Variants in CIMIP4 observed in about 807,000 individuals in gnomAD.
The protein encoded by CIMIP4 is protein EAN57.
At chr22:36,995,177 T>A in the CIMIP4 span, among the ~76,000 whole-genome samples, 2 of 152,080 alleles carry the variant, frequency 1.3e-5, no homozygotes, top group African/African-American at 4.8e-5. Context: ...AGAAAATCCT[T>A]GGTAAGCTGG....
chr22:37,004,669 G>A, the CIMIP4 span, among the ~76,000 whole-genome samples: 5 of 150,098 alleles, frequency 3.3e-5, no homozygotes, highest in African/African-American at 4.9e-5. Flanking sequence ...TCGTGCTTGT[G>A]TTTTGTTTTC....
At chr22:36,995,509 A>T in the CIMIP4 span, among the ~76,000 whole-genome samples, 1 of 152,078 alleles carries the variant, frequency 6.6e-6, no homozygotes, top group African/African-American at 2.4e-5. Flanking sequence ...GCCATCCCAC[A>T]TGGTTCCCCC....
chr22:36,991,284 G>A, the CIMIP4 span: 22 of 1,613,868 alleles, frequency 1.4e-5, no homozygotes, highest in South Asian at 5.5e-5. Flanking sequence ...GCCCTACAGC[G>A]AGCAGGAGAA....
the CIMIP4 span, among the ~76,000 whole-genome samples, chr22:36,998,336 G>C: frequency 6.6e-6 from 1 of 152,108 alleles, no homozygotes; most frequent in South Asian, 2.1e-4. Flanking sequence ...CTCCAGAAAG[G>C]CTTCCAGTGG....
At chr22:36,992,283 G>A in the CIMIP4 span, among the ~76,000 whole-genome samples, 1 of 152,144 alleles carries the variant, frequency 6.6e-6, no homozygotes, top group Non-Finnish European at 1.5e-5. Context: ...GGAGGCGGAG[G>A]TTGCAGTGAG....
At chr22:37,001,846 G>A in the CIMIP4 span, 88 of 1,586,524 alleles carry the variant, frequency 5.5e-5, no homozygotes, top group East Asian at 2.0e-4. Flanking sequence ...CCTGCTCCTC[G>A]GAGACCAGCT....
the CIMIP4 span, chr22:37,004,071 G>T: frequency 6.7e-7 from 1 of 1,497,692 alleles, no homozygotes; most frequent in Non-Finnish European, 9.0e-7. Context: ...AACACACAGA[G>T]TTTCTGTGAA....
the CIMIP4 span, among the ~76,000 whole-genome samples, chr22:37,006,331 G>C: frequency 2.6e-5 from 4 of 152,302 alleles, no homozygotes; most frequent in East Asian, 7.7e-4. Context: ...ATTATCCCCA[G>C]GCCTTGAAAC....
At chr22:37,005,688 G>A in the CIMIP4 span, among the ~76,000 whole-genome samples, 8,068 of 152,234 alleles carry the variant, frequency 0.053, 245 homozygotes, top group African/African-American at 0.071. Context: ...CAGTGACACT[G>A]TCATCTGCAG....
chr22:36,998,049 T>C, the CIMIP4 span, among the ~76,000 whole-genome samples: 1 of 152,226 alleles, frequency 6.6e-6, no homozygotes, highest in African/African-American at 2.4e-5. Context: ...CAATTGCCTC[T>C]TGTGAGCTGG....
At chr22:36,991,370 G>C in the CIMIP4 span, 1 of 1,551,534 alleles carries the variant, frequency 6.4e-7, no homozygotes, top group Non-Finnish European at 8.9e-7. Flanking sequence ...CCTCTTCCAA[G>C]TCCACCCCGG....
chr22:36,991,641 G>C, the CIMIP4 span: 8 of 1,442,600 alleles, frequency 5.5e-6, no homozygotes, highest in Non-Finnish European at 6.8e-6. Context: ...GTGGCAGTCG[G>C]GTACTCCATG....
the CIMIP4 span, chr22:36,999,894 C>T: frequency 2.0e-5 from 33 of 1,613,982 alleles, no homozygotes; most frequent in African/African-American, 1.9e-4. Flanking sequence ...TCTGAGAAGA[C>T]GGAGGAGATT....
At chr22:37,004,872 G>C in the CIMIP4 span, among the ~76,000 whole-genome samples, 1 of 152,170 alleles carries the variant, frequency 6.6e-6, no homozygotes, top group Admixed American at 6.5e-5. Flanking sequence ...ATTTTTAGTA[G>C]AGACAGGGTT....
the CIMIP4 span, chr22:37,002,376 G>A: frequency 2.1e-6 from 1 of 475,546 alleles, no homozygotes. Context: ...AGAGGGTGGG[G>A]AGGGGGCAGA....
At chr22:36,993,610 T>C in the CIMIP4 span, among the ~76,000 whole-genome samples, 1 of 150,800 alleles carries the variant, frequency 6.6e-6, no homozygotes, top group African/African-American at 2.4e-5. Flanking sequence ...GCGCCTGTAG[T>C]CTCAGCTACT....
chr22:37,002,231 G>C, the CIMIP4 span: 1 of 1,457,450 alleles, frequency 6.9e-7, no homozygotes, highest in Non-Finnish European at 9.1e-7. Context: ...GGAACTGTAG[G>C]CCGCTTTCCA....
the CIMIP4 span, among the ~76,000 whole-genome samples, chr22:37,006,232 A>G: frequency 6.6e-6 from 1 of 152,242 alleles, no homozygotes; most frequent in African/African-American, 2.4e-5. Context: ...CAAAATGAAA[A>G]GATACCATTG....
At chr22:36,993,026 T>C in the CIMIP4 span, among the ~76,000 whole-genome samples, 1 of 150,430 alleles carries the variant, frequency 6.6e-6, no homozygotes, top group East Asian at 1.9e-4. Context: ...CTTTTTTTTT[T>C]TTTTGAGACG....
Sources: gnomAD v4.1 joint callset for allele counts (sites outside exome capture counted in the v4.1 genomes callset) on GRCh38, gnomAD v4.1.1 for gene constraint, MANE v1.5 for transcripts, NCBI Gene and HGNC (gene_info 2026-07-23, HGNC 2026-07-21) for gene names.